FRY: variants seen among roughly 807,000 people sequenced by gnomAD.
FRY encodes protein furry homolog.
A neutral mutation model predicts 348.4 loss-of-function variants in FRY; 128 were observed. The observed-to-expected ratio is 0.37, with a 90% CI of 0.32 to 0.43. The LOEUF (loss-of-function observed/expected upper bound fraction) is 0.43. FRY is among the 20% of genes least tolerant of loss of function. The pLI, the probability that FRY is intolerant of heterozygous loss-of-function variation, is 1.00. For missense variants in FRY, 2,736 were observed against 3,695.2 expected, an observed-to-expected ratio of 0.74 and a Z score of 6.73; for synonymous variants, 1,370 against 1,374.7, an observed-to-expected ratio of 1.00 and a Z score of 0.08.
chr13:32,120,140 A>G (rs1878559086), intron 4 of FRY, among the ~76,000 whole-genome samples: 1 of 152,188 alleles, frequency 6.6e-6, no homozygotes, highest in Non-Finnish European at 1.5e-5. Flanking sequence ...AATATATACT[A>G]TTGAGCATTT....
chr13:32,056,909 G>A (rs1873657746), intron 1 of FRY, among the ~76,000 whole-genome samples: 1 of 152,102 alleles, frequency 6.6e-6, no homozygotes. Flanking sequence ...TTAGAGAAAT[G>A]TTGGGTTTAT....
rs373301111 is a variant in FRY, at chr13:32,287,164, C to CA, written c.8470-2455dup. On this transcript the variant is annotated intron_variant, in intron 58 of 60. Coordinates refer to ENST00000542859, the MANE Select transcript of FRY (RefSeq NM_023037.3). The stretch of plus-strand genomic sequence containing the variant: ...TGGGCGACAGAGTGAGACTCCATCT[C>CA]AAAAAAAAAAAAAAGAAAGAAATTG... 3.4e-3 allele frequency among the ~76,000 whole-genome samples: 380 copies of CA among 110,934 alleles called. 2 individuals are homozygous for CA. Among genetic ancestry groups the CA allele is most frequent in the African/African-American group, 0.011 (296 of 26,298 alleles). 72.8% of individuals were successfully genotyped at this position (110,934 alleles called of 152,430 possible). A position where few individuals can be genotyped will look rare whatever the true frequency, so the allele number is the denominator to read the frequency against.
chr13:32,091,980 G>A (rs1376457757), intron 2 of FRY, among the ~76,000 whole-genome samples: 2 of 152,118 alleles, frequency 1.3e-5, no homozygotes, highest in African/African-American at 2.4e-5. Context: ...TCTTAAGCAA[G>A]GTTAGTGATA....
rs1374250388 is a variant in FRY, at chr13:32,078,846, G to T, written c.83G>T (p.Gly28Val). The T allele has an allele frequency of 1.9e-6, 3 of 1,613,836 alleles. No individual in the cohort carries two copies. The highest frequency in any genetic ancestry group is 2.5e-6 in the Non-Finnish European group (3 of 1,179,850). ...LKSWSNTSPV[G>V]NGYIKPPVPP... Reference sequence around the variant, plus strand: ...TTCTGTTTTTCAGCTTCTCCCGTTGGCAACGGTTACATCAAGCCTCCGGTT... The same window carrying T: ...TTCTGTTTTTCAGCTTCTCCCGTTGTCAACGGTTACATCAAGCCTCCGGTT... Residue 28 changes from glycine (G) to valine (V), a missense_variant, in exon 2 of 61, where the codon GGC becomes GTC. Physicochemically the swap from Gly to Val is moderately radical, Grantham distance 109. Around this residue, in one of 9 missense-constraint regions of FRY, gnomAD observed 309 missense variants for 418.1 expected, o/e 0.74. Transcript: ENST00000542859.
chr13:32,212,951 CAG>C (rs1030228885), intron 35 of FRY, among the ~76,000 whole-genome samples: 3 of 152,042 alleles, frequency 2.0e-5, no homozygotes, highest in African/African-American at 7.2e-5. Flanking sequence ...GTAGTCAAAT[CAG>C]AGTCACTCTT....
rs746146166 is a variant in FRY, at chr13:32,295,640, C to A, written c.*180C>A. On this transcript the variant is annotated 3_prime_UTR_variant, in exon 61 of 61. Coordinates refer to ENST00000542859, the MANE Select transcript of FRY (RefSeq NM_023037.3). ...CAACGTGTAGCAATACTATAAGAAC[C>A]AAGGTAGCTTAGAACGTCCTGGACA... 1 of 632,960 alleles carries A rather than the reference C, an allele frequency of 1.6e-6. No individual in the cohort carries two copies. Among genetic ancestry groups the A allele is most frequent in the East Asian group, 2.7e-5 (1 of 36,616 alleles). The allele number at this position is 632,960 out of a possible 1,614,324, so 39.2% of individuals were successfully genotyped here. A position where few individuals can be genotyped will look rare whatever the true frequency, so the allele number is the denominator to read the frequency against.
chr13:32,153,044 G>T (rs1399705329), intron 14 of FRY, among the ~76,000 whole-genome samples: 2 of 152,100 alleles, frequency 1.3e-5, no homozygotes, highest in Admixed American at 1.3e-4. Flanking sequence ...ATTTAAAACC[G>T]AAACGAGATG....
chr13:32,292,701 G>A (rs1249856148), intron 59 of FRY, among the ~76,000 whole-genome samples: 1 of 151,750 alleles, frequency 6.6e-6, no homozygotes, highest in African/African-American at 2.4e-5. Flanking sequence ...CTGAGGTAAG[G>A]GAATCACTTG....
At chr13:32,103,921 C>T (rs1164577335) in intron 3 of FRY, among the ~76,000 whole-genome samples, 3 of 152,054 alleles carry the variant, frequency 2.0e-5, no homozygotes, top group Non-Finnish European at 4.4e-5. Context: ...CGAGTTCACG[C>T]CACTGCACTC....
intron 20 of FRY, among the ~76,000 whole-genome samples, chr13:32,177,679 A>G (rs553735161): frequency 1.3e-5 from 2 of 152,286 alleles, no homozygotes; most frequent in Admixed American, 1.3e-4. Context: ...CATAAAAGGG[A>G]TTGTGCTTAG....
Position 32,221,958 on chromosome 13 carries a change from A to G in FRY, c.4766-2277A>G, listed in dbSNP as rs561380750. 4.6e-5 allele frequency among the ~76,000 whole-genome samples: 7 copies of G among 152,304 alleles called. No individual in the cohort carries two copies. The East Asian group carries it at 7.7e-4, about 17-fold the overall frequency. ...AAGTCCCCACTCTCCTGGAGCTTAC[A>G]TTAGAGTTGGGGAGGGAGGTGGTGC... On this transcript the variant is annotated intron_variant, in intron 36 of 60. Coordinates refer to ENST00000542859, the MANE Select transcript of FRY (RefSeq NM_023037.3).
chr13:32,294,031 T>C (rs1036123472), intron 59 of FRY, among the ~76,000 whole-genome samples: 1 of 152,212 alleles, frequency 6.6e-6, no homozygotes, highest in African/African-American at 2.4e-5. Context: ...GAGCCGGCAT[T>C]TGAACCCAGA....
chr13:32,234,679 A>G lies in FRY; in HGVS notation c.5633A>G (p.Lys1878Arg), dbSNP rs1886129297. ...TCCTTCCAGATATTCCGGGCCCTCA[A>G]GCAACCTCTGTCAGCACATGCCTTA... Reference protein sequence around the residue: ...GRSFQIFRALKQPLSAHALSD... With the variant: ...GRSFQIFRALRQPLSAHALSD... Residue 1878 changes from lysine to arginine, a missense_variant, in exon 42 of 61, where the codon AAG becomes AGG. Coordinates refer to ENST00000542859, the MANE Select transcript of FRY (RefSeq NM_023037.3). The G allele has an allele frequency of 1.2e-6, 2 of 1,614,124 alleles. No homozygotes were observed. The highest frequency in any genetic ancestry group is 1.7e-6 in the Non-Finnish European group (2 of 1,180,024).
intron 3 of FRY, among the ~76,000 whole-genome samples, chr13:32,102,729 G>C (rs1375878729): frequency 6.6e-6 from 1 of 152,176 alleles, no homozygotes; most frequent in Non-Finnish European, 1.5e-5. Context: ...TAACCAGGAA[G>C]GCCCTAGGCA....
chr13:32,073,504 A>G (rs1369531460), intron 1 of FRY, among the ~76,000 whole-genome samples: 1 of 151,864 alleles, frequency 6.6e-6, no homozygotes, highest in Non-Finnish European at 1.5e-5. Flanking sequence ...TTTAGAATTT[A>G]TTGTAGTCTG....
intron 20 of FRY, among the ~76,000 whole-genome samples, chr13:32,177,068 C>T (rs1006937049): frequency 7.2e-5 from 11 of 152,162 alleles, no homozygotes; most frequent in African/African-American, 2.7e-4. Context: ...CATGGGAACT[C>T]ATAAACCCAA....
At chr13:32,178,110 T>G in intron 20 of FRY, 67 bp from the exon 21 acceptor site, 7 of 1,556,848 alleles carry the variant, frequency 4.5e-6, no homozygotes, top group South Asian at 1.1e-5. Context: ...GTAGTCAGGC[T>G]GAGCCTTGAT....
chr13:32,197,565 A>C (rs1490310877), intron 29 of FRY, among the ~76,000 whole-genome samples: 1 of 152,232 alleles, frequency 6.6e-6, no homozygotes, highest in East Asian at 1.9e-4. Context: ...AAGTTACTGC[A>C]GTTGCCTACC....
At chr13:32,164,747 T>G (rs1481318010) in intron 17 of FRY, among the ~76,000 whole-genome samples, 1 of 152,224 alleles carries the variant, frequency 6.6e-6, no homozygotes, top group Non-Finnish European at 1.5e-5. Context: ...CTCAGCTGTC[T>G]GGATCCCTGA....
Sources: gnomAD v4.1 joint callset for allele counts (sites outside exome capture counted in the v4.1 genomes callset) on GRCh38, gnomAD v4.1.1 for gene constraint, gnomAD v4.1.1 regional missense constraint, MANE v1.5 for transcripts, NCBI Gene and HGNC (gene_info 2026-07-23, HGNC 2026-07-21) for gene names.